DSCAML1: variants seen among roughly 807,000 people sequenced by gnomAD.
DSCAML1 encodes DS cell adhesion molecule like 1.
DSCAML1 carries 38 observed loss-of-function variants against 200.5 expected under a neutral mutation model. The observed-to-expected ratio is 0.19, with a 90% CI of 0.15 to 0.25. DSCAML1 has a LOEUF of 0.25. DSCAML1 is among the 10% of genes least tolerant of loss of function. DSCAML1 has a pLI of 1.00. For missense variants in DSCAML1, 2,223 were observed against 2,858.8 expected (o/e 0.78, Z 5.07); for synonymous variants, 1,215 against 1,165.0 (o/e 1.04, Z -0.87).
chr11:117,723,997 C>T (rs936455145), intron 3 of DSCAML1, among the ~76,000 whole-genome samples: 4 of 152,228 alleles, frequency 2.6e-5, no homozygotes, highest in South Asian at 2.1e-4. Flanking sequence ...AGCTTGGCTA[C>T]GGCTGGTCCT....
rs2049833725 is a variant in DSCAML1 at position 117,518,911 on chromosome 11, AC to A, written c.1214-150del. 3.4e-6 allele frequency: 3 copies of A among 870,620 alleles called. No individual in the cohort carries two copies. Among genetic ancestry groups the A allele is most frequent in the African/African-American group, 1.7e-5 (1 of 58,946 alleles). The allele number at this position is 870,620 out of a possible 1,614,324, so 53.9% of individuals were successfully genotyped here. On this transcript the variant is annotated intron_variant, in intron 6 of 32. Transcript: ENST00000651296. The surrounding 1 kb of genome is among the most constrained non-coding windows in gnomAD (Gnocchi z 6.3). ...TACATCAATTCTTCTGCTATCCGCA[AC>A]CCCAAGTGGTGCCAGTTACTGCTGT...
intron 3 of DSCAML1, among the ~76,000 whole-genome samples, chr11:117,665,186 G>A (rs657364): frequency 0.016 from 2,386 of 152,238 alleles, 26 homozygotes; most frequent in South Asian, 0.047. Flanking sequence ...TTGTTCATGT[G>A]GGCCCAGTCT....
At chr11:117,443,759 GC>G in intron 21 of DSCAML1, 126 bp downstream of exon 21, 1 of 1,344,742 alleles carries the variant, frequency 7.4e-7, no homozygotes, top group Non-Finnish European at 1.0e-6. Context: ...CAGGCGGGTG[GC>G]CAGTTCCTCA....
At chr11:117,722,176 T>A (rs984318475) in intron 3 of DSCAML1, among the ~76,000 whole-genome samples, 1 of 152,150 alleles carries the variant, frequency 6.6e-6, no homozygotes, top group Non-Finnish European at 1.5e-5. Context: ...CTGGGAAGGA[T>A]CATGGCTCTA....
intron 3 of DSCAML1, among the ~76,000 whole-genome samples, chr11:117,730,247 T>A (rs570674245): frequency 1.3e-5 from 2 of 152,110 alleles, no homozygotes; most frequent in African/African-American, 4.8e-5. Flanking sequence ...GAGAAGGAGC[T>A]GTGACAAGAA....
At chr11:117,769,141 ATT>A (rs2054954244) in intron 3 of DSCAML1, among the ~76,000 whole-genome samples, 1 of 108,176 alleles carries the variant, frequency 9.2e-6, no homozygotes, top group Admixed American at 1.5e-4. Context: ...TATATTATAT[ATT>A]ATATATATTT....
At chr11:117,530,004 C>T (rs184597999) in intron 4 of DSCAML1, among the ~76,000 whole-genome samples, 3 of 152,178 alleles carry the variant, frequency 2.0e-5, no homozygotes, top group Admixed American at 1.3e-4. Context: ...CCCCGTCGCT[C>T]GCTTCCTTTG....
intron 3 of DSCAML1, among the ~76,000 whole-genome samples, chr11:117,628,119 A>G (rs78915622): frequency 0.11 from 16,358 of 152,218 alleles, 984 homozygotes; most frequent in East Asian, 0.21. Flanking sequence ...CATTATTCCA[A>G]CTTCAAAGAT....
intron 3 of DSCAML1, among the ~76,000 whole-genome samples, chr11:117,676,608 A>G (rs111849979): frequency 0.054 from 8,273 of 152,078 alleles, 328 homozygotes; most frequent in African/African-American, 0.11. Flanking sequence ...AAGCTGTCGC[A>G]CCTCCAGCCC....
chr11:117,650,665 A>ATATGTG (rs2052610718), intron 3 of DSCAML1, among the ~76,000 whole-genome samples: 1 of 112,352 alleles, frequency 8.9e-6, no homozygotes, highest in Non-Finnish European at 1.9e-5. Context: ...GTGTGTGTCT[A>ATATGTG]TCTGTGTGTG....
At chr11:117,765,212 G>T (rs1293263950) in intron 3 of DSCAML1, among the ~76,000 whole-genome samples, 1 of 152,194 alleles carries the variant, frequency 6.6e-6, no homozygotes, top group African/African-American at 2.4e-5. Context: ...GAAGCTCTGT[G>T]CCTGGCTCCA....
intron 3 of DSCAML1, among the ~76,000 whole-genome samples, chr11:117,749,838 C>T (rs547558848): frequency 1.3e-5 from 2 of 152,366 alleles, no homozygotes; most frequent in South Asian, 2.1e-4. Context: ...GAGCTGGGAG[C>T]GGGACCTGTG....
intron 3 of DSCAML1, among the ~76,000 whole-genome samples, chr11:117,694,436 T>C (rs184797386): frequency 6.6e-6 from 1 of 152,000 alleles, no homozygotes; most frequent in Non-Finnish European, 1.5e-5. Context: ...TATGTGTCCA[T>C]ATATACTCTC....
At chr11:117,776,665 C>T (rs945138351) in intron 3 of DSCAML1, 126 bp downstream of exon 3, 2 of 1,125,196 alleles carry the variant, frequency 1.8e-6, no homozygotes, top group Non-Finnish European at 2.5e-6. Context: ...AGAACAATAA[C>T]AAGTCACTCC....
chr11:117,665,190 C>T (rs937856911), intron 3 of DSCAML1, among the ~76,000 whole-genome samples: 15 of 152,206 alleles, frequency 9.9e-5, no homozygotes, highest in Admixed American at 1.3e-4. Context: ...TCATGTGGGC[C>T]CAGTCTCCCT....
intron 3 of DSCAML1, among the ~76,000 whole-genome samples, chr11:117,672,310 T>C (rs1405974387): frequency 6.6e-6 from 1 of 151,986 alleles, no homozygotes; most frequent in Non-Finnish European, 1.5e-5. Flanking sequence ...TTGTATAATT[T>C]GGGGTTGGTA....
intron 3 of DSCAML1, among the ~76,000 whole-genome samples, chr11:117,552,907 A>T (rs2050494287): frequency 6.6e-6 from 1 of 152,178 alleles, no homozygotes; most frequent in Non-Finnish European, 1.5e-5. Flanking sequence ...CAAGTGCGCG[A>T]TGTGCTCAGT....
In DSCAML1 at chr11:117,469,610, G is replaced by A. The variant is rs780950761; in HGVS notation, c.3024+300C>T. ...TTACAACATGTGGGGTTTGGACGAC[G>A]GGCCAGCACCACCGAGGAACCATCT... On this transcript the variant is annotated intron_variant, in intron 16 of 32. Transcript: ENST00000651296. The surrounding 1 kb of genome is among the most constrained non-coding windows in gnomAD (Gnocchi z 4.1). Among the ~76,000 whole-genome samples the A allele has an allele frequency of 1.2e-4, 18 of 151,912 alleles. No homozygotes were observed. Among genetic ancestry groups the A allele is most frequent in the Non-Finnish European group, 1.2e-4 (8 of 67,982 alleles).
chr11:117,674,303 G>C (rs1201795993), intron 3 of DSCAML1, among the ~76,000 whole-genome samples: 1 of 152,132 alleles, frequency 6.6e-6, no homozygotes, highest in African/African-American at 2.4e-5. Flanking sequence ...TCCAGACTGG[G>C]GGATCCTAGG....
Sources: allele counts gnomAD v4.1 joint callset (sites outside exome capture counted in the v4.1 genomes callset), GRCh38; gene constraint gnomAD v4.1.1; non-coding constraint Gnocchi (gnomAD v3.1); transcripts MANE v1.5; gene names NCBI Gene and HGNC (gene_info 2026-07-23, HGNC 2026-07-21).